ROR2: variants seen among roughly 807,000 people sequenced by gnomAD.
ROR2 encodes the protein tyrosine-protein kinase transmembrane receptor ROR2.
ROR2 carries 33 observed loss-of-function variants against 74.9 expected under a neutral mutation model. The ratio of observed to expected loss-of-function variants is 0.44; its 90% CI spans 0.33 to 0.59. The LOEUF is 0.59. ROR2 is among the 20% of genes least tolerant of loss of function. ROR2 has a pLI of 0.02. For missense variants in ROR2, 1,216 were observed against 1,313.8 expected (o/e 0.93, Z 1.15); for synonymous variants, 586 against 558.7 (o/e 1.05, Z -0.69).
intron 1 of ROR2, among the ~76,000 whole-genome samples, chr9:91,852,907 G>A (rs879701420): frequency 1.3e-4 from 20 of 152,230 alleles, no homozygotes; most frequent in Admixed American, 1.3e-3. Context: ...CGGACACAGT[G>A]CAGCACTGGA....
At chr9:91,915,614 C>A (rs1211618278) in intron 1 of ROR2, among the ~76,000 whole-genome samples, 2 of 151,924 alleles carry the variant, frequency 1.3e-5, no homozygotes, top group Non-Finnish European at 2.9e-5. Context: ...TGGAAGGGAA[C>A]CTGAGCAGGT....
At chr9:91,825,551 G>A (rs1158479003) in intron 1 of ROR2, among the ~76,000 whole-genome samples, 1 of 152,160 alleles carries the variant, frequency 6.6e-6, no homozygotes, top group African/African-American at 2.4e-5. Context: ...CTGAGACCCA[G>A]GCAGGGGGAG....
intron 1 of ROR2, among the ~76,000 whole-genome samples, chr9:91,912,294 C>G (rs1235979585): frequency 6.6e-6 from 1 of 152,130 alleles, no homozygotes; most frequent in Non-Finnish European, 1.5e-5. Context: ...GTTTTTGCAA[C>G]CTTTCTGTAC....
intron 5 of ROR2, among the ~76,000 whole-genome samples, chr9:91,734,925 G>A (rs1052868392): frequency 6.6e-6 from 1 of 152,148 alleles, no homozygotes; most frequent in Non-Finnish European, 1.5e-5. Flanking sequence ...AGCAGTTACA[G>A]TACAGGATGT....
chr9:91,839,275 T>TGTGTGTGTGTGTAAGTACAGGC (rs1554681702), intron 1 of ROR2, among the ~76,000 whole-genome samples: 88 of 145,960 alleles, frequency 6.0e-4, no homozygotes, highest in Middle Eastern at 3.5e-3. Context: ...TGTGTGTGTG[T>TGTGTGTGTGTGTAAGTACAGGC]GTGTGTGTGT....
At chr9:91,910,323 C>T (rs995993345) in intron 1 of ROR2, among the ~76,000 whole-genome samples, 6 of 152,168 alleles carry the variant, frequency 3.9e-5, no homozygotes, top group African/African-American at 1.4e-4. Flanking sequence ...TCAAACAACT[C>T]CAAAATATCT....
intron 1 of ROR2, among the ~76,000 whole-genome samples, chr9:91,813,434 C>T (rs1313288270): frequency 6.6e-6 from 1 of 152,168 alleles, no homozygotes; most frequent in Non-Finnish European, 1.5e-5. Flanking sequence ...GGGGCTGGCG[C>T]GTCTGGGTCA....
intron 5 of ROR2, among the ~76,000 whole-genome samples, chr9:91,735,686 C>T (rs1341985634): frequency 7.5e-6 from 1 of 134,100 alleles, no homozygotes; most frequent in Non-Finnish European, 1.5e-5. Flanking sequence ...AGTGCAGTGG[C>T]GCGATCTGCA....
At chr9:91,797,665 G>C (rs1439614680) in intron 1 of ROR2, among the ~76,000 whole-genome samples, 1 of 13,440 alleles carries the variant, frequency 7.4e-5, no homozygotes. Flanking sequence ...TCTGTGGGTG[G>C]GGCTGACACC....
intron 1 of ROR2, among the ~76,000 whole-genome samples, chr9:91,894,694 G>A (rs1564024909): frequency 1.3e-5 from 2 of 152,208 alleles, no homozygotes; most frequent in South Asian, 2.1e-4. Flanking sequence ...TCTTGAGAGT[G>A]GAGGGGAATT....
intron 1 of ROR2, among the ~76,000 whole-genome samples, chr9:91,902,108 C>T (rs1304968316): frequency 6.6e-6 from 1 of 152,174 alleles, no homozygotes; most frequent in Non-Finnish European, 1.5e-5. Flanking sequence ...TATTTAGTAA[C>T]TCACAAGGGC....
intron 4 of ROR2, among the ~76,000 whole-genome samples, chr9:91,740,633 A>T (rs1825203922): frequency 6.6e-6 from 1 of 151,830 alleles, no homozygotes; most frequent in African/African-American, 2.4e-5. Context: ...TGCTTGGAAA[A>T]TGGCATCTTT....
At chr9:91,885,868 C>CTTTTTT (rs542499117) in intron 1 of ROR2, among the ~76,000 whole-genome samples, 2 of 108,150 alleles carry the variant, frequency 1.8e-5, no homozygotes, top group East Asian at 2.8e-4. Flanking sequence ...GTATGGTTTC[C>CTTTTTT]TTTTTTTTTT....
intron 1 of ROR2, among the ~76,000 whole-genome samples, chr9:91,885,308 G>C (rs958431027): frequency 1.3e-5 from 2 of 152,150 alleles, no homozygotes; most frequent in African/African-American, 4.8e-5. Flanking sequence ...AAGCTTTGGG[G>C]GTTGGGGGGC....
chr9:91,732,744 G>A (rs536077500), intron 6 of ROR2, among the ~76,000 whole-genome samples: 174 of 152,324 alleles, frequency 1.1e-3, no homozygotes, highest in Middle Eastern at 3.4e-3. Flanking sequence ...TGACCGTCGG[G>A]CAAGTTAGGA....
At chr9:91,913,273 C>A (rs1831039413) in intron 1 of ROR2, among the ~76,000 whole-genome samples, 1 of 152,198 alleles carries the variant, frequency 6.6e-6, no homozygotes, top group Admixed American at 6.5e-5. Context: ...GTATCTGATA[C>A]AAAGCCTTCA....
rs1338171222 is a variant in ROR2, at chr9:91,722,864, C to T, written c.*798G>A. 1 of 513,458 alleles carries T rather than the reference C, an allele frequency of 1.9e-6. No homozygotes were observed. The highest frequency in any genetic ancestry group is 3.5e-6 in the Non-Finnish European group (1 of 284,282). The allele number at this position is 513,458 out of a possible 1,614,324, so 31.8% of individuals were successfully genotyped here. A position where few individuals can be genotyped will look rare whatever the true frequency, so the allele number is the denominator to read the frequency against. ...TGGCATATTAAAAACATATAAATTA[C>T]ATTTAAGCTCTGTACATGATTCTTA... On this transcript the variant is annotated 3_prime_UTR_variant, in exon 9 of 9. Coordinates refer to ENST00000375708, the MANE Select transcript of ROR2 (RefSeq NM_004560.4).
chr9:91,724,138 A>G lies in ROR2; in HGVS notation c.2356T>C (p.Tyr786His). ...GGGGCCTTCTGCTTGGGCCCCACGT[A>G]GCGGGCGTTGCTCACATTGCTCACT... The part of the protein sequence containing the change: ...SPVSNVSNAR[Y>H]VGPKQKAPPF... The change falls in exon 9 of 9, where the codon TAC becomes CAC. Residue 786 changes from tyrosine (Y) to histidine (H), a missense_variant. By Grantham distance (83) the Tyr-to-His change is moderately conservative. Coordinates refer to ENST00000375708, the MANE Select transcript of ROR2 (RefSeq NM_004560.4). The G allele has an allele frequency of 6.2e-7, 1 of 1,611,284 alleles. No individual in the cohort carries two copies. Among genetic ancestry groups the G allele is most frequent in the Non-Finnish European group, 8.5e-7 (1 of 1,179,984 alleles).
chr9:91,930,963 C>A (rs1831535341), intron 1 of ROR2, among the ~76,000 whole-genome samples: 1 of 152,110 alleles, frequency 6.6e-6, no homozygotes, highest in Non-Finnish European at 1.5e-5. Flanking sequence ...ACATCATTGC[C>A]TTTCTTTTCA....
Sources: gnomAD v4.1 joint callset for allele counts (sites outside exome capture counted in the v4.1 genomes callset) on GRCh38, gnomAD v4.1.1 for gene constraint, MANE v1.5 for transcripts, NCBI Gene and HGNC (gene_info 2026-07-23, HGNC 2026-07-21) for gene names.